The following ZNF565 variants were observed in gnomAD, a reference collection of about 807,000 sequenced individuals.
ZNF565 encodes zinc finger protein 565.
ZNF565 carries 27 observed loss-of-function variants against 39.4 expected under a neutral mutation model. The ratio of observed to expected loss-of-function variants is 0.69; its 90% CI spans 0.51 to 0.95. The LOEUF (loss-of-function observed/expected upper bound fraction) is 0.95, where lower values mean the gene tolerates loss of function less well. Among genes scored for constraint, ZNF565 ranks in the 40% least tolerant of loss-of-function variants. ZNF565 has a pLI of 0.00. For missense variants in ZNF565, 524 were observed against 621.1 expected (o/e 0.84, Z 1.66); for synonymous variants, 185 against 216.6 (o/e 0.85, Z 1.28).
intron 1 of ZNF565, among the ~76,000 whole-genome samples, chr19:36,227,101 T>A (rs1330731436): frequency 7.1e-6 from 1 of 140,494 alleles, no homozygotes; most frequent in Non-Finnish European, 1.6e-5. Flanking sequence ...AAAAAATTTT[T>A]TTTTTGGCTG....
At chr19:36,190,991 C>CA (rs58218863) in intron 4 of ZNF565, among the ~76,000 whole-genome samples, 13,738 of 79,018 alleles carry the variant, frequency 0.17, 1,026 homozygotes, top group Middle Eastern at 0.26. Flanking sequence ...GACTCTGTCT[C>CA]AAAAAAAAAA....
intron 1 of ZNF565, among the ~76,000 whole-genome samples, chr19:36,239,937 TAAAA>T (rs968069741): frequency 1.3e-5 from 2 of 152,196 alleles, no homozygotes; most frequent in African/African-American, 4.8e-5. Context: ...TTTGAAACCT[TAAAA>T]AACTCATTAA....
chr19:36,189,237 C>T (rs1045007805), intron 4 of ZNF565, among the ~76,000 whole-genome samples: 6 of 151,720 alleles, frequency 4.0e-5, no homozygotes, highest in Admixed American at 1.3e-4. Flanking sequence ...TGCAGTGAGC[C>T]GAGATCGTGC....
chr19:36,235,789 TC>T (rs1977624877), intron 1 of ZNF565: 1 of 152,186 alleles, frequency 6.6e-6, no homozygotes, highest in African/African-American at 2.4e-5. Flanking sequence ...AAAAAATACT[TC>T]CTCTGTTCTC....
intron 1 of ZNF565, among the ~76,000 whole-genome samples, chr19:36,202,543 C>G (rs527620554): frequency 6.6e-6 from 1 of 152,262 alleles, no homozygotes; most frequent in African/African-American, 2.4e-5. Context: ...GGGATTACAG[C>G]TGACACAGTC....
chr19:36,227,282 G>T (rs540078064), intron 1 of ZNF565, among the ~76,000 whole-genome samples: 2 of 151,080 alleles, frequency 1.3e-5, no homozygotes, highest in Admixed American at 1.3e-4. Flanking sequence ...CCAGCTACTC[G>T]GGAGGCTGAG....
At chr19:36,222,626 G>A (rs1016519001) in intron 1 of ZNF565, among the ~76,000 whole-genome samples, 1 of 151,006 alleles carries the variant, frequency 6.6e-6, no homozygotes, top group African/African-American at 2.5e-5. Flanking sequence ...TCTTATGAAT[G>A]AGAATTTTTT....
chr19:36,227,181 G>A (rs1473318975), intron 1 of ZNF565, among the ~76,000 whole-genome samples: 1 of 151,866 alleles, frequency 6.6e-6, no homozygotes, highest in Non-Finnish European at 1.5e-5. Flanking sequence ...CTGAGGTCAG[G>A]GGTTCAAGAC....
intron 1 of ZNF565, among the ~76,000 whole-genome samples, chr19:36,202,298 T>C (rs1975993062): frequency 6.6e-6 from 1 of 151,768 alleles, no homozygotes; most frequent in Non-Finnish European, 1.5e-5. Context: ...ACCTGAAAGG[T>C]AGAGGTTGCA....
At chr19:36,229,473 A>G (rs1387903709) in intron 1 of ZNF565, among the ~76,000 whole-genome samples, 2 of 152,138 alleles carry the variant, frequency 1.3e-5, no homozygotes, top group Non-Finnish European at 2.9e-5. Context: ...GACTCCCGAA[A>G]AAATCTCCTC....
rs187946596 is a variant in ZNF565 at position 36,196,388 on chromosome 19, G to C, written c.10-1232C>G. On this transcript the variant is annotated intron_variant, in intron 2 of 4. Transcript: ENST00000304116. ...ACTGCACTCGGCCAAGGACATTGGA[G>C]GAGATGAAGAAGGGTACTGGAGGAA... 1.5e-3 allele frequency among the ~76,000 whole-genome samples: 231 copies of C among 152,278 alleles called. 1 individual carries two copies. The highest frequency in any genetic ancestry group is 5.4e-3 in the African/African-American group (224 of 41,552).
chr19:36,204,209 G>A (rs772599879), intron 1 of ZNF565, among the ~76,000 whole-genome samples: 9 of 151,992 alleles, frequency 5.9e-5, no homozygotes, highest in Non-Finnish European at 1.0e-4. Flanking sequence ...CTCGGCCTCC[G>A]AAAGTGCTGG....
At position 36,245,387 on chromosome 19, in the gene ZNF565, C is replaced by A. The variant is rs570129024; in HGVS notation, c.55+89G>T. 3.0e-5 allele frequency: 21 copies of A among 696,968 alleles called. No individual in the cohort carries two copies. The highest frequency in any genetic ancestry group is 2.7e-4 in the South Asian group (18 of 66,892). 43.2% of individuals were successfully genotyped at this position (696,968 alleles called of 1,614,324 possible). A position where few individuals can be genotyped will look rare whatever the true frequency, so the allele number is the denominator to read the frequency against. ...GGCGGGCTCGAAGGGAGGACAGTCA[C>A]TGCGACCCGGAAAGCTCCGCGCTTA... On this transcript the variant is annotated intron_variant, in intron 1 of 4. Transcript: ENST00000355114. This position sits in a 1 kb window ranked among gnomAD's most constrained non-coding sequence, Gnocchi z 4.4.
At chr19:36,239,466 GCAC>G (rs1977759881) in intron 1 of ZNF565, among the ~76,000 whole-genome samples, 1 of 151,378 alleles carries the variant, frequency 6.6e-6, no homozygotes, top group Admixed American at 6.6e-5. Context: ...GGGACTACAG[GCAC>G]GCACCACTAT....
At position 36,183,273 on chromosome 19, in the gene ZNF565, G is replaced by C; in HGVS notation, c.693C>G (p.Ala231=). 6.2e-7 allele frequency: 1 copy of C among 1,613,818 alleles called. No homozygotes were observed. The highest frequency in any genetic ancestry group is 1.1e-5 in the South Asian group (1 of 91,062). The stretch of plus-strand genomic sequence containing the variant: ...GAATAAGTTCTGATGTACGACCAAA[G>C]GCCTTCCCACAGTCCTTACAGTCAT... ...KPYDCKDCGK[A]FGRTSELILH... Residue 231 remains alanine (A), a synonymous_variant, in exon 5 of 5, where the codon GCC becomes GCG. Transcript: ENST00000304116.
intron 1 of ZNF565, among the ~76,000 whole-genome samples, chr19:36,222,929 C>T (rs1438336904): frequency 6.6e-6 from 1 of 151,192 alleles, no homozygotes; most frequent in Non-Finnish European, 1.5e-5. Context: ...AGAATGAGCC[C>T]CCTGTGGTTG....
chr19:36,202,007 T>C lies in ZNF565; in HGVS notation c.-22A>G, dbSNP rs1183013771. 6.2e-7 allele frequency: 1 copy of C among 1,614,134 alleles called. No homozygotes were observed. Among genetic ancestry groups the C allele is most frequent in the Admixed American group, 1.7e-5 (1 of 60,004 alleles). On this transcript the variant is annotated 5_prime_UTR_variant, in exon 2 of 5. Transcript: ENST00000304116. Reference sequence around the variant, plus strand: ...CCATGGCTTTTAGAACTATTTGACCTGCTCTGATTTCTCTGGATTCTTCTC... The same window carrying C: ...CCATGGCTTTTAGAACTATTTGACCCGCTCTGATTTCTCTGGATTCTTCTC...
intron 1 of ZNF565, among the ~76,000 whole-genome samples, chr19:36,203,063 G>T (rs918585861): frequency 2.6e-5 from 4 of 151,992 alleles, no homozygotes; most frequent in Non-Finnish European, 5.9e-5. Context: ...AGCTGGGCAC[G>T]GTGGCTCACA....
At chr19:36,236,761 A>G (rs766098782) in intron 1 of ZNF565, 4 of 1,614,094 alleles carry the variant, frequency 2.5e-6, no homozygotes, top group African/African-American at 1.3e-5. Flanking sequence ...ATTGCGGGAA[A>G]GCTTTCATTC....
Sources: gnomAD v4.1 joint callset for allele counts (sites outside exome capture counted in the v4.1 genomes callset) on GRCh38, gnomAD v4.1.1 for gene constraint, Gnocchi (gnomAD v3.1) non-coding constraint, MANE v1.5 for transcripts, NCBI Gene and HGNC (gene_info 2026-07-23, HGNC 2026-07-21) for gene names.